The following KIAA1958 variants were observed in gnomAD, a reference collection of about 807,000 sequenced individuals.
KIAA1958 encodes KIAA1958.
A neutral mutation model predicts 47.2 loss-of-function variants in KIAA1958; 14 were observed. The observed-to-expected ratio is 0.30, with a 90% confidence interval of 0.20 to 0.46. The LOEUF (loss-of-function observed/expected upper bound fraction) is 0.46, where lower values mean the gene tolerates loss of function less well. KIAA1958 is among the 20% of genes least tolerant of loss of function. KIAA1958 has a pLI of 1.00. For missense variants in KIAA1958, 803 were observed against 909.2 expected (o/e 0.88, Z 1.50); for synonymous variants, 354 against 353.3 (o/e 1.00, Z -0.02).
intron 2 of KIAA1958, among the ~76,000 whole-genome samples, chr9:112,612,182 A>G (rs1484729307): frequency 6.6e-6 from 1 of 152,126 alleles, no homozygotes. Context: ...CTGAGGTGGA[A>G]GAATTGCTTG....
intron 3 of KIAA1958, among the ~76,000 whole-genome samples, chr9:112,651,830 A>C (rs2131248207): frequency 6.6e-6 from 1 of 152,376 alleles, no homozygotes; most frequent in African/African-American, 2.4e-5. Context: ...CTGAATGAAA[A>C]TTAAATCACC....
intron 2 of KIAA1958, among the ~76,000 whole-genome samples, chr9:112,584,803 T>C (rs1835795374): frequency 6.6e-6 from 1 of 152,336 alleles, no homozygotes; most frequent in East Asian, 1.9e-4. Context: ...GTTGAAGTTA[T>C]GACGGGTGAG....
chr9:112,503,084 A>C (rs775271569), intron 1 of KIAA1958, among the ~76,000 whole-genome samples: 1 of 152,154 alleles, frequency 6.6e-6, no homozygotes, highest in Non-Finnish European at 1.5e-5. Context: ...AGAAGAAACA[A>C]AATAAATAAG....
At chr9:112,615,539 A>C (rs2131214390) in intron 2 of KIAA1958, among the ~76,000 whole-genome samples, 1 of 152,282 alleles carries the variant, frequency 6.6e-6, no homozygotes, top group East Asian at 1.9e-4. Context: ...GAAATTAATA[A>C]AATTTTAAGC....
intron 2 of KIAA1958, among the ~76,000 whole-genome samples, chr9:112,604,935 G>A (rs2676627): frequency 0.95 from 140,624 of 147,268 alleles, 67,205 homozygotes; most frequent in African/African-American, 0.99. Flanking sequence ...CATATTTTAT[G>A]TAATATATAT....
chr9:112,633,214 T>C (rs975907575), intron 2 of KIAA1958, among the ~76,000 whole-genome samples: 10 of 151,998 alleles, frequency 6.6e-5, no homozygotes, highest in African/African-American at 2.4e-4. Flanking sequence ...ACTTTTTTTT[T>C]TTTTTAGGGC....
At chr9:112,523,864 G>A (rs529549651) in intron 1 of KIAA1958, among the ~76,000 whole-genome samples, 1 of 152,112 alleles carries the variant, frequency 6.6e-6, no homozygotes, top group African/African-American at 2.4e-5. Flanking sequence ...TTCTTACTTT[G>A]GGGCCATAGT....
At chr9:112,610,687 G>A (rs1427539005) in intron 2 of KIAA1958, among the ~76,000 whole-genome samples, 1 of 152,130 alleles carries the variant, frequency 6.6e-6, no homozygotes, top group Non-Finnish European at 1.5e-5. Context: ...GAGAGCATCA[G>A]ACCTAGATGG....
chr9:112,635,809 C>T (rs553532049), intron 2 of KIAA1958, among the ~76,000 whole-genome samples: 70 of 151,818 alleles, frequency 4.6e-4, no homozygotes, highest in Non-Finnish European at 9.1e-4. Context: ...TTTTCAAATC[C>T]GTCTCTTACA....
At chr9:112,529,438 G>A (rs772338268) in intron 1 of KIAA1958, among the ~76,000 whole-genome samples, 3 of 152,050 alleles carry the variant, frequency 2.0e-5, no homozygotes, top group Non-Finnish European at 4.4e-5. Context: ...ACAATACCAC[G>A]TTACATTTAG....
rs945087046 is a variant in KIAA1958, at chr9:112,664,799, T to C, written c.*4730T>C. ...CCCTTTCTAAGAGAAGAGGAGGCCA[T>C]GGGGTATGATAACTAAATGAACATC... On this transcript the variant is annotated 3_prime_UTR_variant, in exon 4 of 4. Transcript: ENST00000337530. 2.0e-5 allele frequency: 3 copies of C among 152,162 alleles called. No individual in the cohort carries two copies. Among genetic ancestry groups the C allele is most frequent in the Admixed American group, 1.3e-4 (2 of 15,264 alleles). The allele number at this position is 152,162 out of a possible 1,614,324, so 9.4% of individuals were successfully genotyped here. A position where few individuals can be genotyped will look rare whatever the true frequency, so the allele number is the denominator to read the frequency against.
chr9:112,527,246 A>G (rs1588002758), intron 1 of KIAA1958, among the ~76,000 whole-genome samples: 1 of 152,222 alleles, frequency 6.6e-6, no homozygotes, highest in East Asian at 1.9e-4. Context: ...CAGAAAGGAT[A>G]CTGTAGTGGA....
intron 1 of KIAA1958, among the ~76,000 whole-genome samples, chr9:112,494,064 G>C (rs1834013737): frequency 6.6e-6 from 1 of 152,156 alleles, no homozygotes; most frequent in Non-Finnish European, 1.5e-5. Flanking sequence ...GCCTTAGTTT[G>C]CTGAGTCATA....
chr9:112,630,076 A>G (rs955930243), intron 2 of KIAA1958, among the ~76,000 whole-genome samples: 1 of 152,204 alleles, frequency 6.6e-6, no homozygotes, highest in Admixed American at 6.5e-5. Context: ...AGTGTTTCTC[A>G]CCACTGAAGT....
Position 112,659,712 on chromosome 9 carries a change from G to T in KIAA1958, c.1794G>T (p.Thr598=). The T allele has an allele frequency of 6.2e-7, 1 of 1,614,188 alleles. No homozygotes were observed. Among genetic ancestry groups the T allele is most frequent in the South Asian group, 1.1e-5 (1 of 91,072 alleles). ...DPQNQPYFAR[T]DSVKRESRSG... is the part of the protein sequence containing the mutation. ...AAAACCAGCCCTACTTTGCCCGGAC[G>T]GACAGCGTCAAGCGGGAGAGTCGGA... The change falls in exon 4 of 4, where the codon ACG becomes ACT. Residue 598 remains threonine (T), a synonymous_variant. Coordinates refer to ENST00000337530, the MANE Select transcript of KIAA1958 (RefSeq NM_133465.4).
At chr9:112,652,187 C>T (rs1442668224) in intron 3 of KIAA1958, among the ~76,000 whole-genome samples, 1 of 152,072 alleles carries the variant, frequency 6.6e-6, no homozygotes, top group Non-Finnish European at 1.5e-5. Flanking sequence ...TTATTCTTTC[C>T]CACTTGGTGT....
intron 2 of KIAA1958, among the ~76,000 whole-genome samples, chr9:112,635,978 C>T (rs1162531254): frequency 6.6e-6 from 1 of 151,410 alleles, no homozygotes; most frequent in Non-Finnish European, 1.5e-5. Context: ...TGCACTAAAT[C>T]GTATTATTTT....
chr9:112,644,251 A>T (rs1455238382), intron 2 of KIAA1958, among the ~76,000 whole-genome samples: 1 of 152,100 alleles, frequency 6.6e-6, no homozygotes, highest in African/African-American at 2.4e-5. Flanking sequence ...GGGAAGGTGT[A>T]GTGTGGGTGT....
At chr9:112,503,578 C>T (rs150150599) in intron 1 of KIAA1958, among the ~76,000 whole-genome samples, 2 of 135,498 alleles carry the variant, frequency 1.5e-5, no homozygotes, top group East Asian at 4.4e-4. Flanking sequence ...GTTCATACCA[C>T]TGTACTCCAG....
Sources: allele counts gnomAD v4.1 joint callset (sites outside exome capture counted in the v4.1 genomes callset), GRCh38; gene constraint gnomAD v4.1.1; transcripts MANE v1.5; gene names NCBI Gene and HGNC (gene_info 2026-07-23, HGNC 2026-07-21).